The following PAX2 variants were observed in gnomAD, a reference collection of about 807,000 sequenced individuals.
PAX2 encodes the protein paired box protein Pax-2.
PAX2 carries 9 observed loss-of-function variants against 41.7 expected under a neutral mutation model. That is an observed-to-expected ratio of 0.22 (90% CI 0.13 to 0.38). The LOEUF (loss-of-function observed/expected upper bound fraction) is 0.38, where lower values mean the gene tolerates loss of function less well. Among genes scored for constraint, PAX2 ranks in the 10% least tolerant of loss-of-function variants. The probability of loss-of-function intolerance (pLI) is 1.00; values close to 1 mark genes in which losing one functional copy is unlikely to be tolerated. For missense variants in PAX2, 418 were observed against 531.6 expected, an observed-to-expected ratio of 0.79 and a Z score of 2.10; for synonymous variants, 221 against 212.7, an observed-to-expected ratio of 1.04 and a Z score of -0.34.
At chr10:100,745,443 C>A (rs1845116968), upstream of PAX2, among the ~76,000 whole-genome samples, 1 of 152,076 alleles carries the variant, frequency 6.6e-6, no homozygotes, top group Non-Finnish European at 1.5e-5. Context: ...CTCGGGGCTC[C>A]AGCGCTGGCG....
At chr10:100,779,150 C>A (rs1469925761) in intron 3 of PAX2, among the ~76,000 whole-genome samples, 2 of 152,298 alleles carry the variant, frequency 1.3e-5, no homozygotes, top group East Asian at 1.9e-4. Flanking sequence ...AGGTGGACAA[C>A]AAGCCACTAG....
intron 7 of PAX2, among the ~76,000 whole-genome samples, chr10:100,816,386 C>G (rs1387719092): frequency 6.6e-6 from 1 of 152,254 alleles, no homozygotes; most frequent in Non-Finnish European, 1.5e-5. Context: ...TCTCCCAGCA[C>G]TAAGCTTTTT....
chr10:100,769,591 A>C (rs941237548), intron 3 of PAX2, among the ~76,000 whole-genome samples: 30 of 151,606 alleles, frequency 2.0e-4, no homozygotes, highest in African/African-American at 7.3e-4. Context: ...ATTGTACTCC[A>C]GCCTGGGCAA....
intron 1 of PAX2, among the ~76,000 whole-genome samples, chr10:100,736,099 C>A (rs7897782): frequency 0.8 from 121,427 of 152,132 alleles, 48,692 homozygotes; most frequent in East Asian, 1. Flanking sequence ...TTCCAGTAAG[C>A]AGGGAGTGTG....
chr10:100,786,768 C>T (rs1846883817), intron 5 of PAX2, among the ~76,000 whole-genome samples: 1 of 152,098 alleles, frequency 6.6e-6, no homozygotes, highest in South Asian at 2.1e-4. Context: ...GCCTAGGGCC[C>T]AAGACTAGGG....
Position 100,827,965 on chromosome 10 carries a change from T to C in PAX2, c.*346T>C, listed in dbSNP as rs932603810. 9.8e-6 allele frequency: 3 copies of C among 307,236 alleles called. No individual in the cohort carries two copies. The highest frequency in any genetic ancestry group is 1.8e-5 in the Non-Finnish European group (3 of 169,326). The allele number at this position is 307,236 out of a possible 1,614,324, so 19.0% of individuals were successfully genotyped here. On this transcript the variant is annotated 3_prime_UTR_variant, in exon 10 of 10. Transcript: ENST00000355243. This position sits in a 1 kb window ranked among gnomAD's most constrained non-coding sequence, Gnocchi z 8.5. ...CAGCCCCGAAGCCCGCCAGCCACCC[T>C]GCCGGACTCGGGCGCGACCTGCTGG...
intron 3 of PAX2, among the ~76,000 whole-genome samples, chr10:100,758,164 G>C (rs1045461526): frequency 6.8e-6 from 1 of 147,504 alleles, no homozygotes; most frequent in Non-Finnish European, 1.5e-5. Flanking sequence ...TTTTTGAGAC[G>C]GAGTCTTGCT....
intron 5 of PAX2, among the ~76,000 whole-genome samples, chr10:100,803,578 C>T (rs1012936552): frequency 6.6e-6 from 1 of 152,124 alleles, no homozygotes; most frequent in Non-Finnish European, 1.5e-5. Context: ...CCCTGCACCC[C>T]ATAAGTTTCT....
chr10:100,753,260 T>C (rs1197303699), intron 3 of PAX2, among the ~76,000 whole-genome samples: 2 of 152,184 alleles, frequency 1.3e-5, no homozygotes, highest in Non-Finnish European at 1.5e-5. Context: ...TCATGGTTCA[T>C]ATTTTGGAAA....
chr10:100,756,334 T>C (rs1029471649), intron 3 of PAX2, among the ~76,000 whole-genome samples: 2 of 152,224 alleles, frequency 1.3e-5, no homozygotes, highest in Admixed American at 1.3e-4. Flanking sequence ...GGTTGCCTCT[T>C]AATACTCAAG....
At chr10:100,765,317 G>A (rs900813304) in intron 3 of PAX2, among the ~76,000 whole-genome samples, 1 of 152,146 alleles carries the variant, frequency 6.6e-6, no homozygotes, top group African/African-American at 2.4e-5. Flanking sequence ...AGACTGAGGT[G>A]CAATCCCATT....
At position 100,827,163 on chromosome 10, in the gene PAX2, C is replaced by A; in HGVS notation, c.1108+68C>A. On this transcript the variant is annotated intron_variant, in intron 9 of 9. Transcript: ENST00000355243. This position sits in a 1 kb window ranked among gnomAD's most constrained non-coding sequence, Gnocchi z 8.5. ...GCGGCTTCTGGGCACGGTCCCACTCCCGGCGACCCGACCTCTGGGGACCCG... is the reference window on the plus strand; with the variant it reads ...GCGGCTTCTGGGCACGGTCCCACTCACGGCGACCCGACCTCTGGGGACCCG... The A allele has an allele frequency of 7.7e-7, 1 of 1,298,858 alleles. No homozygotes were observed. The highest frequency in any genetic ancestry group is 1.1e-6 in the Non-Finnish European group (1 of 899,782). The allele number at this position is 1,298,858 out of a possible 1,614,324, so 80.5% of individuals were successfully genotyped here.
chr10:100,770,370 A>G (rs1846169379), intron 3 of PAX2, among the ~76,000 whole-genome samples: 2 of 152,218 alleles, frequency 1.3e-5, no homozygotes, highest in South Asian at 4.1e-4. Context: ...TTCCAGCTCT[A>G]GCCAGAAGCT....
At chr10:100,751,885 G>A (rs1420928773) in intron 3 of PAX2, among the ~76,000 whole-genome samples, 1 of 152,104 alleles carries the variant, frequency 6.6e-6, no homozygotes, top group Admixed American at 6.5e-5. Flanking sequence ...CCCATTTTGA[G>A]ACACCCCAAA....
intron 7 of PAX2, among the ~76,000 whole-genome samples, chr10:100,818,906 T>C (rs952248367): frequency 6.6e-6 from 1 of 152,142 alleles, no homozygotes; most frequent in Non-Finnish European, 1.5e-5. Context: ...AGCAGTGAAA[T>C]CTCAGACGTA....
Position 100,776,323 on chromosome 10 carries a change from G to T in PAX2, c.411-3175G>T, listed in dbSNP as rs1191270514. On this transcript the variant is annotated intron_variant, in intron 3 of 9. Coordinates refer to ENST00000355243, the MANE Select transcript of PAX2 (RefSeq NM_000278.5). ...CGCTTTGCTGAGACTCCTCCTCAAGGTCACTAATGGCTACCAGAATCCCAA... is the reference window on the plus strand; with the variant it reads ...CGCTTTGCTGAGACTCCTCCTCAAGTTCACTAATGGCTACCAGAATCCCAA... Among the ~76,000 whole-genome samples the T allele has an allele frequency of 2.0e-5, 3 of 152,158 alleles. No individual in the cohort carries two copies. In the East Asian group the frequency reaches 5.8e-4, roughly 29 times the overall value.
Position 100,826,913 on chromosome 10 carries a change from C to T in PAX2, c.1022-96C>T, listed in dbSNP as rs932977816. 24 of 850,320 alleles carry T rather than the reference C, an allele frequency of 2.8e-5. No homozygotes were observed. Among genetic ancestry groups the T allele is most frequent in the Non-Finnish European group, 4.4e-5 (22 of 501,596 alleles). The allele number at this position is 850,320 out of a possible 1,614,324, so 52.7% of individuals were successfully genotyped here. On this transcript the variant is annotated intron_variant, in intron 8 of 9. Coordinates refer to ENST00000355243, the MANE Select transcript of PAX2 (RefSeq NM_000278.5). This position sits in a 1 kb window ranked among gnomAD's most constrained non-coding sequence, Gnocchi z 5.5. ...TGCCCGCGACACCTGCGCCTGAGAC[C>T]CGGCGGGAGGAGCGGGCGGAGAAGC... is the stretch of plus-strand genomic sequence containing the variant.
At chr10:100,751,772 A>G (rs1475076846) in intron 3 of PAX2, among the ~76,000 whole-genome samples, 1 of 123,640 alleles carries the variant, frequency 8.1e-6, no homozygotes, top group Non-Finnish European at 1.5e-5. Context: ...ACATACAAGC[A>G]GCACTGGGCT....
intron 5 of PAX2, among the ~76,000 whole-genome samples, chr10:100,804,479 G>A (rs892813001): frequency 4.6e-5 from 7 of 152,130 alleles, no homozygotes; most frequent in East Asian, 3.9e-4. Flanking sequence ...CTGAGAGTCC[G>A]GCTTCCCCAA....
Sources: allele counts gnomAD v4.1 joint callset (sites outside exome capture counted in the v4.1 genomes callset), GRCh38; gene constraint gnomAD v4.1.1; non-coding constraint Gnocchi (gnomAD v3.1); transcripts MANE v1.5; gene names NCBI Gene and HGNC (gene_info 2026-07-23, HGNC 2026-07-21).